The following CSMD1 variants were observed in gnomAD, a reference collection of about 807,000 sequenced individuals.
The protein encoded by CSMD1 is CUB and Sushi multiple domains 1.
CSMD1 carries 213 observed loss-of-function variants against 417.5 expected under a neutral mutation model. The ratio of observed to expected loss-of-function variants is 0.51; its 90% CI spans 0.46 to 0.57. The LOEUF (loss-of-function observed/expected upper bound fraction) is 0.57. CSMD1 is among the 20% of genes least tolerant of loss of function. CSMD1 has a pLI of 0.00. For missense variants in CSMD1, 6,923 were observed against 4,529.7 expected, an observed-to-expected ratio of 1.53 and a Z score of -15.17; for synonymous variants, 2,862 against 1,736.8, an observed-to-expected ratio of 1.65 and a Z score of -16.11.
At chr8:3,120,375 A>G (rs1268053084) in intron 41 of CSMD1, among the ~76,000 whole-genome samples, 1 of 152,244 alleles carries the variant, frequency 6.6e-6, no homozygotes, top group African/African-American at 2.4e-5. Flanking sequence ...AGGCAACGCA[A>G]TATGTGGGCC....
chr8:4,391,309 A>T (rs1053228296), intron 3 of CSMD1, among the ~76,000 whole-genome samples: 14 of 152,306 alleles, frequency 9.2e-5, no homozygotes, highest in African/African-American at 3.4e-4. Context: ...TTCTCTTAAG[A>T]CATGGTGTGT....
chr8:3,074,845 T>C (rs1042281328), intron 49 of CSMD1, among the ~76,000 whole-genome samples: 12 of 152,340 alleles, frequency 7.9e-5, no homozygotes, highest in South Asian at 4.1e-4. Flanking sequence ...ACATAGATTA[T>C]AGATATAATA....
chr8:4,133,949 G>A (rs919298613), intron 3 of CSMD1, among the ~76,000 whole-genome samples: 4 of 151,986 alleles, frequency 2.6e-5, no homozygotes, highest in Admixed American at 1.3e-4. Context: ...TCTTTTTCAG[G>A]TCATGCAAAC....
Position 4,218,077 on chromosome 8 carries a change from G to C in CSMD1, c.416-185978C>G, listed in dbSNP as rs184370498. The stretch of plus-strand genomic sequence containing the variant: ...TATTAACCCACTGATGCCTGAGGTT[G>C]CAATTTTTTGAATTTTTGCAATCGG... On this transcript the variant is annotated intron_variant, in intron 3 of 69. Coordinates refer to ENST00000635120, the MANE Select transcript of CSMD1 (RefSeq NM_033225.6). Among the ~76,000 whole-genome samples the C allele has an allele frequency of 2.0e-5, 3 of 152,296 alleles. No individual in the cohort carries two copies. The East Asian group carries it at 5.8e-4, about 29-fold the overall frequency.
chr8:4,397,543 T>G (rs1296073309), intron 3 of CSMD1, among the ~76,000 whole-genome samples: 1 of 142,422 alleles, frequency 7.0e-6, no homozygotes, highest in Non-Finnish European at 1.5e-5. Context: ...TTTTTTTTTT[T>G]TTTTTTTTTG....
chr8:4,785,523 G>A (rs183028723), intron 1 of CSMD1, among the ~76,000 whole-genome samples: 3 of 152,138 alleles, frequency 2.0e-5, no homozygotes, highest in East Asian at 3.9e-4. Flanking sequence ...GACAGCACCA[G>A]AGAGCTTGGT....
intron 11 of CSMD1, among the ~76,000 whole-genome samples, chr8:3,491,799 G>A (rs1332058565): frequency 6.6e-6 from 1 of 152,216 alleles, no homozygotes; most frequent in Non-Finnish European, 1.5e-5. Flanking sequence ...CCCGGGGCAA[G>A]ATTCCTCACA....
intron 50 of CSMD1, among the ~76,000 whole-genome samples, chr8:3,032,267 A>C (rs13270558): frequency 0.2 from 29,715 of 151,900 alleles, 3,715 homozygotes; most frequent in Non-Finnish European, 0.27. Flanking sequence ...TACAAAAAAA[A>C]CTGAGTTTGA....
At chr8:4,897,900 G>A (rs968392913) in intron 1 of CSMD1, among the ~76,000 whole-genome samples, 19 of 152,186 alleles carry the variant, frequency 1.2e-4, no homozygotes, top group Non-Finnish European at 2.9e-5. Context: ...CCAGAGCAAG[G>A]CGTGGCTTTG....
intron 5 of CSMD1, among the ~76,000 whole-genome samples, chr8:3,978,088 T>A (rs1190092351): frequency 6.6e-6 from 1 of 152,166 alleles, no homozygotes; most frequent in African/African-American, 2.4e-5. Flanking sequence ...AAACTCGGTG[T>A]CTGTGAGAAA....
intron 1 of CSMD1, among the ~76,000 whole-genome samples, chr8:4,760,846 C>T (rs192504977): frequency 6.6e-6 from 1 of 152,166 alleles, no homozygotes; most frequent in Admixed American, 6.5e-5. Flanking sequence ...ATAGAATAAT[C>T]ATAATGCCTG....
At chr8:4,854,502 C>T (rs1052808252) in intron 1 of CSMD1, among the ~76,000 whole-genome samples, 5 of 152,156 alleles carry the variant, frequency 3.3e-5, no homozygotes, top group Admixed American at 1.3e-4. Flanking sequence ...TCTGAGGTAC[C>T]GGGTTCATCT....
intron 1 of CSMD1, among the ~76,000 whole-genome samples, chr8:4,876,418 G>A (rs1424853233): frequency 5.9e-5 from 9 of 152,022 alleles, no homozygotes; most frequent in Non-Finnish European, 1.3e-4. Flanking sequence ...CAAGTGGCCT[G>A]TTTTTGTAAA....
At chr8:3,125,873 A>T (rs1033895657) in intron 41 of CSMD1, among the ~76,000 whole-genome samples, 2 of 152,180 alleles carry the variant, frequency 1.3e-5, no homozygotes, top group Non-Finnish European at 2.9e-5. Flanking sequence ...GCTACTCGGG[A>T]GGCTGAGGCA....
intron 1 of CSMD1, among the ~76,000 whole-genome samples, chr8:4,969,171 C>T (rs555417913): frequency 9.2e-5 from 14 of 152,066 alleles, no homozygotes; most frequent in Non-Finnish European, 1.2e-4. Context: ...CATGGGATTG[C>T]GTGTGTGCGT....
intron 36 of CSMD1, among the ~76,000 whole-genome samples, chr8:3,182,675 C>CTGTGTGTGTGTGTGTGTGTG (rs10676783): frequency 1.0e-5 from 1 of 99,082 alleles, no homozygotes; most frequent in Non-Finnish European, 2.0e-5. Context: ...CTATAAGAAG[C>CTGTGTGTGTGTGTGTGTGTG]TGTGTGTGTG....
chr8:3,657,420 C>A (rs1217667549), intron 7 of CSMD1, among the ~76,000 whole-genome samples: 1 of 151,984 alleles, frequency 6.6e-6, no homozygotes, highest in African/African-American at 2.4e-5. Context: ...CAGGTGCAAA[C>A]TAAGAAAATG....
At chr8:4,498,402 A>T (rs1389432437) in intron 2 of CSMD1, among the ~76,000 whole-genome samples, 1 of 152,102 alleles carries the variant, frequency 6.6e-6, no homozygotes, top group Admixed American at 6.6e-5. Flanking sequence ...TATATTTCTA[A>T]ATCAGTTCAT....
intron 2 of CSMD1, among the ~76,000 whole-genome samples, chr8:4,511,553 G>C (rs1046041808): frequency 1.3e-5 from 2 of 152,168 alleles, no homozygotes; most frequent in Non-Finnish European, 2.9e-5. Context: ...ATTCTTCTTA[G>C]ATCATTCAGA....
Sources: gnomAD v4.1 joint callset for allele counts (sites outside exome capture counted in the v4.1 genomes callset) on GRCh38, gnomAD v4.1.1 for gene constraint, MANE v1.5 for transcripts, NCBI Gene and HGNC (gene_info 2026-07-23, HGNC 2026-07-21) for gene names.